The following IFT57 variants were observed in gnomAD, a reference collection of about 807,000 sequenced individuals.
IFT57 encodes intraflagellar transport protein 57 homolog.
Under a neutral mutation model 56.8 loss-of-function variants are expected in IFT57, and 59 were observed. The ratio of observed to expected loss-of-function variants is 1.04; its 90% CI spans 0.84 to 1.29. IFT57 has a LOEUF of 1.29. IFT57 is among the 50% of genes most tolerant of loss of function. The pLI is 0.00. For missense variants in IFT57, 470 were observed against 522.1 expected (o/e 0.90, Z 0.97); for synonymous variants, 209 against 186.1 (o/e 1.12, Z -1.00).
intron 5 of IFT57, among the ~76,000 whole-genome samples, chr3:108,205,254 A>G (rs9835895): frequency 0.096 from 14,595 of 152,120 alleles, 762 homozygotes; most frequent in Middle Eastern, 0.12. Flanking sequence ...TACATGTAGT[A>G]ACTCCTTTAA....
At chr3:108,187,093 G>A (rs2080188177) in intron 6 of IFT57, among the ~76,000 whole-genome samples, 2 of 152,004 alleles carry the variant, frequency 1.3e-5, no homozygotes, top group Admixed American at 1.3e-4. Context: ...TGTTGTTCAA[G>A]GGTCAACTGT....
At chr3:108,205,697 T>C (rs1332716930) in intron 5 of IFT57, among the ~76,000 whole-genome samples, 2 of 148,032 alleles carry the variant, frequency 1.4e-5, no homozygotes, top group Admixed American at 6.9e-5. Flanking sequence ...AGAGCATTAC[T>C]TTCCATATGT....
At chr3:108,183,054 T>C (rs1478156136) in intron 6 of IFT57, among the ~76,000 whole-genome samples, 1 of 152,104 alleles carries the variant, frequency 6.6e-6, no homozygotes, top group African/African-American at 2.4e-5. Context: ...AAGTACTGCA[T>C]AATTGAAGAA....
intron 4 of IFT57, chr3:108,213,713 G>C: frequency 2.2e-6 from 1 of 463,376 alleles, no homozygotes; most frequent in East Asian, 3.3e-5. Flanking sequence ...AACAGTTCAA[G>C]AACCTCTGCT....
At chr3:108,172,300 T>C (rs2080097965) in intron 6 of IFT57, among the ~76,000 whole-genome samples, 1 of 151,802 alleles carries the variant, frequency 6.6e-6, no homozygotes, top group Admixed American at 6.6e-5. Flanking sequence ...CTGTCTAGCA[T>C]GGAAAACACA....
intron 9 of IFT57, among the ~76,000 whole-genome samples, chr3:108,164,647 A>G (rs2080050783): frequency 6.6e-6 from 1 of 152,116 alleles, no homozygotes; most frequent in Non-Finnish European, 1.5e-5. Context: ...TTACTTCTAC[A>G]TACTGTTTTA....
chr3:108,214,833 T>C (rs1251933080), intron 3 of IFT57, among the ~76,000 whole-genome samples: 1 of 152,160 alleles, frequency 6.6e-6, no homozygotes, highest in South Asian at 2.1e-4. Context: ...CTCTCAAAAA[T>C]TGTTCCCCTA....
chr3:108,216,090 A>G (rs908471816), intron 3 of IFT57, among the ~76,000 whole-genome samples: 4 of 152,176 alleles, frequency 2.6e-5, no homozygotes, highest in African/African-American at 9.7e-5. Context: ...TTTTTGGATA[A>G]GACCTCAAAA....
rs1297584628 is a variant in IFT57, at chr3:108,160,906, G to C, written c.*1571C>G. On this transcript the variant is annotated 3_prime_UTR_variant, in exon 11 of 11. Transcript: ENST00000264538. ...AAGCTGAGTTAACTGGAATATTTCA[G>C]AGAAGGAAGTAAAAATAGGTGGCTT... The C allele has an allele frequency of 6.6e-6, 1 of 152,214 alleles. No homozygotes were observed. Among genetic ancestry groups the C allele is most frequent in the African/African-American group, 2.4e-5 (1 of 41,452 alleles). The allele number at this position is 152,214 out of a possible 1,614,324, so 9.4% of individuals were successfully genotyped here. A position where few individuals can be genotyped will look rare whatever the true frequency, so the allele number is the denominator to read the frequency against.
At position 108,222,277 on chromosome 3, in the gene IFT57, C is replaced by A; in HGVS notation, c.46G>T (p.Gly16Trp). ...AVVTTSGLEDGVPRSRGEGTG... is the reference protein window; with the variant it reads ...AVVTTSGLEDWVPRSRGEGTG... Reference sequence around the variant, plus strand: ...CCTTCGCCACGGGACCTAGGCACCCCATCTTCCAAACCCGACGTCGTGACG... The same window carrying A: ...CCTTCGCCACGGGACCTAGGCACCCAATCTTCCAAACCCGACGTCGTGACG... Residue 16 changes from glycine to tryptophan, a missense_variant, in exon 1 of 11, where the codon GGG becomes TGG. Coordinates refer to ENST00000264538, the MANE Select transcript of IFT57 (RefSeq NM_018010.4). 1 of 1,613,934 alleles carries A rather than the reference C, an allele frequency of 6.2e-7. No homozygotes were observed. The highest frequency in any genetic ancestry group is 1.3e-5 in the African/African-American group (1 of 75,066).
intron 4 of IFT57, among the ~76,000 whole-genome samples, chr3:108,208,227 A>C (rs1459895506): frequency 6.6e-6 from 1 of 152,202 alleles, no homozygotes; most frequent in Non-Finnish European, 1.5e-5. Flanking sequence ...AAGTGCAGAC[A>C]AAAGTGATCA....
intron 5 of IFT57, among the ~76,000 whole-genome samples, chr3:108,199,260 G>T (rs1237379646): frequency 6.6e-6 from 1 of 152,158 alleles, no homozygotes; most frequent in Admixed American, 6.6e-5. Context: ...AATAAAATTT[G>T]ATTAACTTCC....
At chr3:108,181,854 A>T (rs2080152731) in intron 6 of IFT57, among the ~76,000 whole-genome samples, 1 of 151,878 alleles carries the variant, frequency 6.6e-6, no homozygotes, top group African/African-American at 2.4e-5. Context: ...GTAAAAGCTA[A>T]TTTTTTTTAT....
intron 6 of IFT57, among the ~76,000 whole-genome samples, chr3:108,169,409 C>A (rs1423164919): frequency 8.6e-5 from 13 of 151,666 alleles, no homozygotes; most frequent in Admixed American, 7.2e-4. Context: ...GGATAGATTG[C>A]AAAAATTTTC....
In IFT57 at chr3:108,162,618, C is replaced by T; in HGVS notation, c.1149G>A (p.Leu383=). The change falls in exon 11 of 11, where the codon CTG becomes CTA. Residue 383 remains leucine (L), a synonymous_variant. Transcript: ENST00000264538. ...LVKIKQSLTK[L]KQETVEMDIR... ...TGTCCATCTCTACAGTTTCTTGCTT[C>T]AGTTTTGTTAAGCTCTGTTTAATCT... 6.2e-7 allele frequency: 1 copy of T among 1,610,824 alleles called. No homozygotes were observed. The highest frequency in any genetic ancestry group is 8.5e-7 in the Non-Finnish European group (1 of 1,178,228).
intron 5 of IFT57, among the ~76,000 whole-genome samples, chr3:108,204,397 A>C (rs2080297999): frequency 6.6e-6 from 1 of 152,206 alleles, no homozygotes; most frequent in African/African-American, 2.4e-5. Context: ...TTCCTCATGT[A>C]GTTTGCGATG....
intron 5 of IFT57, among the ~76,000 whole-genome samples, chr3:108,196,811 C>T (rs1363649906): frequency 2.0e-5 from 3 of 152,172 alleles, no homozygotes; most frequent in Non-Finnish European, 4.4e-5. Flanking sequence ...CTTTCTACAT[C>T]CATGTTTGCA....
chr3:108,222,418 A>T lies in IFT57; in HGVS notation c.-96T>A. Reference sequence around the variant, plus strand: ...GCCGCCAGTACAGCCACGACCGGTTACCAGGCGACCACCGGACAATCCGTC... The same window carrying T: ...GCCGCCAGTACAGCCACGACCGGTTTCCAGGCGACCACCGGACAATCCGTC... On this transcript the variant is annotated 5_prime_UTR_variant, in exon 1 of 11. Transcript: ENST00000264538. 2.4e-6 allele frequency: 2 copies of T among 832,486 alleles called. No individual in the cohort carries two copies. Among genetic ancestry groups the T allele is most frequent in the Non-Finnish European group, 3.5e-6 (2 of 567,262 alleles). The allele number at this position is 832,486 out of a possible 1,614,324, so 51.6% of individuals were successfully genotyped here.
intron 6 of IFT57, among the ~76,000 whole-genome samples, chr3:108,183,054 T>G (rs1478156136): frequency 6.6e-6 from 1 of 152,104 alleles, no homozygotes; most frequent in East Asian, 1.9e-4. Context: ...AAGTACTGCA[T>G]AATTGAAGAA....
Sources: allele counts gnomAD v4.1 joint callset (sites outside exome capture counted in the v4.1 genomes callset), GRCh38; gene constraint gnomAD v4.1.1; transcripts MANE v1.5; gene names NCBI Gene and HGNC (gene_info 2026-07-23, HGNC 2026-07-21).